Variants in CLSTN2 observed in about 807,000 individuals in gnomAD.
The protein encoded by CLSTN2 is calsyntenin-2.
A neutral mutation model predicts 101.2 loss-of-function variants in CLSTN2; 48 were observed. The ratio of observed to expected loss-of-function variants is 0.47; its 90% CI spans 0.38 to 0.60. CLSTN2 has a LOEUF of 0.60. CLSTN2 is among the 20% of genes least tolerant of loss of function. The probability of loss-of-function intolerance (pLI) is 0.00; values close to 1 mark genes in which losing one functional copy is unlikely to be tolerated. For synonymous variants in CLSTN2, 481 were observed against 463.6 expected (o/e 1.04, Z -0.48); for missense variants, 1,160 against 1,238.2 (o/e 0.94, Z 0.95).
chr3:140,403,681 G>T lies in CLSTN2; in HGVS notation c.285G>T (p.Val95=). The part of the protein sequence containing the change: ...IHGQELPFEA[V]VLNKTSGEGR... ...GCCAGGAGCTGCCCTTTGAGGCTGT[G>T]GTGCTCAACAAGACATCAGGAGAGG... The change falls in exon 3 of 17, where the codon GTG becomes GTT. Residue 95 remains valine (V), a synonymous_variant. Transcript: ENST00000458420. 1 of 1,614,174 alleles carries T rather than the reference G, an allele frequency of 6.2e-7. No individual in the cohort carries two copies. Among genetic ancestry groups the T allele is most frequent in the South Asian group, 1.1e-5 (1 of 91,088 alleles).
At chr3:140,266,387 T>C (rs1460053472) in intron 2 of CLSTN2, among the ~76,000 whole-genome samples, 4 of 152,186 alleles carry the variant, frequency 2.6e-5, no homozygotes, top group African/African-American at 9.6e-5. Flanking sequence ...TATAAGATAG[T>C]AGTGGTTGTC....
chr3:140,178,697 C>T (rs1047281705), intron 2 of CLSTN2, among the ~76,000 whole-genome samples: 4 of 152,144 alleles, frequency 2.6e-5, no homozygotes, highest in Admixed American at 6.5e-5. Context: ...ATGCTGCAGG[C>T]GTTTATTTTA....
At chr3:140,295,989 A>T (rs2086998857) in intron 2 of CLSTN2, among the ~76,000 whole-genome samples, 2 of 152,238 alleles carry the variant, frequency 1.3e-5, no homozygotes, top group African/African-American at 4.8e-5. Flanking sequence ...ATGTTATTAT[A>T]ATCCAATTCT....
chr3:140,053,347 A>C (rs2008033938), intron 1 of CLSTN2, among the ~76,000 whole-genome samples: 1 of 152,242 alleles, frequency 6.6e-6, no homozygotes. Context: ...AGAGGAAAGC[A>C]ATCTAGTTCC....
chr3:140,068,929 C>G (rs72984126), intron 1 of CLSTN2, among the ~76,000 whole-genome samples: 4,645 of 152,282 alleles, frequency 0.031, 208 homozygotes, highest in African/African-American at 0.099. Context: ...AGTCATATGA[C>G]TTAACCACTC....
At chr3:140,490,316 A>T (rs532757377) in intron 8 of CLSTN2, among the ~76,000 whole-genome samples, 2 of 150,550 alleles carry the variant, frequency 1.3e-5, no homozygotes, top group African/African-American at 2.4e-5. Flanking sequence ...ATCCCTTCCT[A>T]TTGGAGTCAG....
At chr3:140,533,894 G>T (rs772138523) in intron 9 of CLSTN2, among the ~76,000 whole-genome samples, 3 of 152,082 alleles carry the variant, frequency 2.0e-5, no homozygotes, top group Non-Finnish European at 2.9e-5. Context: ...AACCCAGGAA[G>T]GAGATAAGGT....
In CLSTN2 at chr3:140,332,292, T is replaced by A. The variant is rs181409829; in HGVS notation, c.233-71337T>A. Among the ~76,000 whole-genome samples, 4 of 152,320 alleles carry A rather than the reference T, an allele frequency of 2.6e-5. No homozygotes were observed. The East Asian group carries it at 7.7e-4, about 29-fold the overall frequency. ...ACAGAAGACTCTGAGCTGTTTAATG[T>A]TCTTGCGTTATCAAACTGGAGGCAG... On this transcript the variant is annotated intron_variant, in intron 2 of 16. Coordinates refer to ENST00000458420, the MANE Select transcript of CLSTN2 (RefSeq NM_022131.3).
intron 6 of CLSTN2, among the ~76,000 whole-genome samples, chr3:140,455,798 GT>G (rs1419495299): frequency 2.6e-5 from 4 of 152,228 alleles, no homozygotes; most frequent in African/African-American, 9.6e-5. Context: ...AATCTTCTCA[GT>G]TTGTTTAAAT....
intron 1 of CLSTN2, among the ~76,000 whole-genome samples, chr3:140,106,793 A>G (rs2009066982): frequency 6.6e-6 from 1 of 152,258 alleles, no homozygotes; most frequent in Admixed American, 6.5e-5. Context: ...TTTTTAGAAT[A>G]CTATTAAGAA....
intron 2 of CLSTN2, among the ~76,000 whole-genome samples, chr3:140,293,481 A>G (rs2086974051): frequency 6.6e-6 from 1 of 152,174 alleles, no homozygotes; most frequent in South Asian, 2.1e-4. Context: ...AAAGCTTAAC[A>G]TTGGATATGT....
chr3:140,473,314 T>C (rs1207521384), intron 8 of CLSTN2, among the ~76,000 whole-genome samples: 3 of 152,208 alleles, frequency 2.0e-5, no homozygotes, highest in Admixed American at 2.0e-4. Flanking sequence ...GTTAGGTGCC[T>C]GTGGCAGACG....
At chr3:140,450,347 G>A (rs1933214903) in intron 6 of CLSTN2, among the ~76,000 whole-genome samples, 1 of 152,214 alleles carries the variant, frequency 6.6e-6, no homozygotes, top group African/African-American at 2.4e-5. Context: ...GAGCTAGAAT[G>A]TAAATCTCTC....
At chr3:140,432,214 T>C (rs2088639311) in intron 5 of CLSTN2, among the ~76,000 whole-genome samples, 1 of 152,126 alleles carries the variant, frequency 6.6e-6, no homozygotes, top group East Asian at 1.9e-4. Flanking sequence ...TAGCTCACTC[T>C]GCAACCTTGG....
intron 10 of CLSTN2, among the ~76,000 whole-genome samples, chr3:140,549,120 A>C (rs1369399702): frequency 7.5e-6 from 1 of 133,238 alleles, no homozygotes; most frequent in Non-Finnish European, 1.6e-5. Context: ...TGTCTTCCTG[A>C]TGTCTTCTCT....
chr3:139,938,068 A>G (rs986348861), intron 1 of CLSTN2, among the ~76,000 whole-genome samples: 1 of 142,034 alleles, frequency 7.0e-6, no homozygotes, highest in African/African-American at 2.6e-5. Context: ...ATAAAGCTGT[A>G]TGTTTTGTGT....
chr3:140,405,330 T>A (rs2088291135), intron 4 of CLSTN2, among the ~76,000 whole-genome samples: 1 of 152,004 alleles, frequency 6.6e-6, no homozygotes, highest in Non-Finnish European at 1.5e-5. Flanking sequence ...TGGGTTCAAG[T>A]TATTCTCCTG....
chr3:140,036,018 T>A (rs543645730), intron 1 of CLSTN2, among the ~76,000 whole-genome samples: 1 of 152,336 alleles, frequency 6.6e-6, no homozygotes, highest in African/African-American at 2.4e-5. Context: ...CAAAGTAGCC[T>A]CTTCTTTCTC....
At chr3:140,411,067 A>G (rs1019611160) in intron 4 of CLSTN2, among the ~76,000 whole-genome samples, 1 of 152,200 alleles carries the variant, frequency 6.6e-6, no homozygotes, top group Non-Finnish European at 1.5e-5. Context: ...GACAAAATGG[A>G]GATATTAAGT....
Sources: allele counts gnomAD v4.1 joint callset (sites outside exome capture counted in the v4.1 genomes callset), GRCh38; gene constraint gnomAD v4.1.1; transcripts MANE v1.5; gene names NCBI Gene and HGNC (gene_info 2026-07-23, HGNC 2026-07-21).